SDK2: variants seen among roughly 807,000 people sequenced by gnomAD.
The protein encoded by SDK2 is protein sidekick-2.
A neutral mutation model predicts 253.9 loss-of-function variants in SDK2; 105 were observed. That is an observed-to-expected ratio of 0.41 (90% CI 0.35 to 0.49). The LOEUF (loss-of-function observed/expected upper bound fraction) is 0.49, where lower values mean the gene tolerates loss of function less well. Ranked by LOEUF, SDK2 falls within the 20% of genes least tolerant of loss-of-function variation. The pLI, the probability that SDK2 is intolerant of heterozygous loss-of-function variation, is 0.06. For missense variants in SDK2, 2,608 were observed against 3,003.0 expected, an observed-to-expected ratio of 0.87 and a Z score of 3.07; for synonymous variants, 1,249 against 1,234.9, an observed-to-expected ratio of 1.01 and a Z score of -0.24.
intron 2 of SDK2, among the ~76,000 whole-genome samples, chr17:73,500,183 CTCCTCCA>C (rs1244280938): frequency 1.4e-5 from 2 of 143,086 alleles, no homozygotes; most frequent in African/African-American, 5.3e-5. Context: ...TCCCTCCATT[CTCCTCCA>C]TCCTCCATCC....
intron 6 of SDK2, among the ~76,000 whole-genome samples, chr17:73,438,702 C>T (rs2063391407): frequency 6.6e-6 from 1 of 152,134 alleles, no homozygotes; most frequent in Admixed American, 6.5e-5. Flanking sequence ...GGGTGTGAGT[C>T]TGGCCTGGCT....
rs1233990199 is a variant in SDK2, at chr17:73,419,713, AAAC to A, written c.2046-410_2046-408del. Among the ~76,000 whole-genome samples, 3 of 73,322 alleles carry A rather than the reference AAAC, an allele frequency of 4.1e-5. 1 individual carries two copies. Among genetic ancestry groups the A allele is most frequent in the Non-Finnish European group, 1.1e-4 (3 of 28,066 alleles). 48.1% of individuals were successfully genotyped at this position (73,322 alleles called of 152,430 possible). A position where few individuals can be genotyped will look rare whatever the true frequency, so the allele number is the denominator to read the frequency against. On this transcript the variant is annotated intron_variant, in intron 15 of 44. Coordinates refer to ENST00000392650, the MANE Select transcript of SDK2 (RefSeq NM_001144952.2). ...GGCAAGACCCTGTCTCTACCAAAAA[AAAC>A]AACAAAAAAAACCCAAAAAAACTCC...
chr17:73,362,947 C>T (rs1378129296), intron 38 of SDK2, among the ~76,000 whole-genome samples: 5 of 152,254 alleles, frequency 3.3e-5, no homozygotes, highest in Admixed American at 6.5e-5. Context: ...GCGCCGGCCC[C>T]GGCATGTCCC....
intron 12 of SDK2, among the ~76,000 whole-genome samples, chr17:73,426,808 C>G (rs991512523): frequency 1.1e-4 from 17 of 152,236 alleles, no homozygotes; most frequent in Non-Finnish European, 2.4e-4. Context: ...CTATGGGGGC[C>G]GGGCGCGGTG....
intron 23 of SDK2, 42 bp downstream of exon 23, chr17:73,398,278 A>C (rs1466573214): frequency 1.3e-6 from 2 of 1,599,996 alleles, no homozygotes; most frequent in Non-Finnish European, 1.7e-6. Context: ...ACCCACCCCC[A>C]GCCCTGAGGC....
At chr17:73,392,747 G>T (rs561376249) in intron 27 of SDK2, among the ~76,000 whole-genome samples, 3 of 152,240 alleles carry the variant, frequency 2.0e-5, no homozygotes, top group Non-Finnish European at 2.9e-5. Context: ...TGTCTGTGGT[G>T]GGCAGTAGGT....
intron 1 of SDK2, among the ~76,000 whole-genome samples, chr17:73,545,413 G>GCA (rs1264742821): frequency 1.3e-5 from 2 of 151,906 alleles, no homozygotes; most frequent in African/African-American, 4.8e-5. Flanking sequence ...ATAAATGAAT[G>GCA]CACACACACA....
chr17:73,408,046 C>CTTTTTTTTTTTTTTT lies in SDK2; in HGVS notation c.2485-5906_2485-5905insAAAAAAAAAAAAAAA, dbSNP rs373774628. Among the ~76,000 whole-genome samples, 6 of 50,950 alleles carry CTTTTTTTTTTTTTTT rather than the reference C, an allele frequency of 1.2e-4. 2 individuals carry two copies. Among genetic ancestry groups the CTTTTTTTTTTTTTTT allele is most frequent in the African/African-American group, 7.0e-5 (1 of 14,232 alleles). The allele number at this position is 50,950 out of a possible 152,430, so 33.4% of individuals were successfully genotyped here. ...ACACCATCTAGGAAGTAAAATATTT[C>CTTTTTTTTTTTTTTT]CTTTTTTTTTTTTTTTTTCTTTTGA... On this transcript the variant is annotated intron_variant, in intron 18 of 44. Transcript: ENST00000392650.
chr17:73,577,053 G>A (rs2045467144), intron 1 of SDK2, among the ~76,000 whole-genome samples: 1 of 152,174 alleles, frequency 6.6e-6, no homozygotes, highest in South Asian at 2.1e-4. Flanking sequence ...CAGGAAGCAT[G>A]TCCCCTATGG....
chr17:73,613,515 G>C (rs144624908), intron 1 of SDK2, among the ~76,000 whole-genome samples: 4 of 152,038 alleles, frequency 2.6e-5, no homozygotes, highest in Non-Finnish European at 5.9e-5. Context: ...CATTTCATCC[G>C]CTTTCCATGG....
chr17:73,356,798 T>A (rs2062595906), intron 40 of SDK2, among the ~76,000 whole-genome samples: 1 of 152,186 alleles, frequency 6.6e-6, no homozygotes. Flanking sequence ...GTCCTTCCTT[T>A]TATGCTCAGG....
chr17:73,523,312 C>T (rs894857267), intron 1 of SDK2, among the ~76,000 whole-genome samples: 3 of 151,752 alleles, frequency 2.0e-5, no homozygotes, highest in African/African-American at 7.3e-5. Flanking sequence ...GAGGGGAGGG[C>T]TGGTGCTGTG....
chr17:73,576,860 C>T (rs2045464429), intron 1 of SDK2, among the ~76,000 whole-genome samples: 1 of 152,142 alleles, frequency 6.6e-6, no homozygotes, highest in Non-Finnish European at 1.5e-5. Context: ...CTAATGCTGC[C>T]CTATTAGCGT....
At position 73,465,242 on chromosome 17, in the gene SDK2, G is replaced by A. The variant is rs968052482; in HGVS notation, c.331+6870C>T. On this transcript the variant is annotated intron_variant, in intron 3 of 44. Coordinates refer to ENST00000392650, the MANE Select transcript of SDK2 (RefSeq NM_001144952.2). This position sits in a 1 kb window ranked among gnomAD's most constrained non-coding sequence, Gnocchi z 4.2. ...TGTCTTTTGTAGGAGTGGCTGCTAAGCTGCTTGGTAGGAAGGAAGCTGGCC... is the reference window on the plus strand; with the variant it reads ...TGTCTTTTGTAGGAGTGGCTGCTAAACTGCTTGGTAGGAAGGAAGCTGGCC... Among the ~76,000 whole-genome samples the A allele has an allele frequency of 5.4e-5, 8 of 148,152 alleles. No individual in the cohort carries two copies. The highest frequency in any genetic ancestry group is 2.1e-4 in the Admixed American group (3 of 14,200).
intron 1 of SDK2, among the ~76,000 whole-genome samples, chr17:73,583,699 A>G (rs1213822478): frequency 9.3e-6 from 1 of 107,420 alleles, no homozygotes; most frequent in Non-Finnish European, 1.9e-5. Flanking sequence ...TGCAGGGCCA[A>G]GAGTGCTTCA....
chr17:73,360,783 A>T (rs2145419915), intron 39 of SDK2, among the ~76,000 whole-genome samples: 1 of 151,054 alleles, frequency 6.6e-6, no homozygotes, highest in Middle Eastern at 3.4e-3. Flanking sequence ...TAAAAATACA[A>T]AAATTAGCTG....
intron 1 of SDK2, among the ~76,000 whole-genome samples, chr17:73,597,415 G>A (rs2045774902): frequency 6.6e-6 from 1 of 152,140 alleles, no homozygotes; most frequent in Non-Finnish European, 1.5e-5. Context: ...ATAAAGCAGG[G>A]GCCTCTCCTG....
chr17:73,607,976 C>T (rs1428687281), intron 1 of SDK2, among the ~76,000 whole-genome samples: 1 of 152,022 alleles, frequency 6.6e-6, no homozygotes, highest in Non-Finnish European at 1.5e-5. Context: ...TAACATCTTG[C>T]ACACTACGGT....
chr17:73,506,325 C>T (rs111628867), intron 2 of SDK2, among the ~76,000 whole-genome samples: 9 of 152,284 alleles, frequency 5.9e-5, no homozygotes, highest in African/African-American at 1.9e-4. Flanking sequence ...GTGGCCAGCC[C>T]TGCAGGACCT....
Sources: allele counts gnomAD v4.1 joint callset (sites outside exome capture counted in the v4.1 genomes callset), GRCh38; gene constraint gnomAD v4.1.1; non-coding constraint Gnocchi (gnomAD v3.1); transcripts MANE v1.5; gene names NCBI Gene and HGNC (gene_info 2026-07-23, HGNC 2026-07-21).